Variants in FBXW2 observed in about 807,000 individuals in gnomAD.
FBXW2 encodes F-box and WD repeat domain containing 2, also known as F-box/WD repeat-containing protein 2.
FBXW2 carries 12 observed loss-of-function variants against 46.0 expected under a neutral mutation model. The observed-to-expected ratio is 0.26, with a 90% CI of 0.17 to 0.42. The LOEUF is 0.42. Ranked by LOEUF, FBXW2 falls within the 10% of genes least tolerant of loss-of-function variation. The pLI is 1.00. For synonymous variants in FBXW2, 203 were observed against 209.6 expected, an observed-to-expected ratio of 0.97 and a Z score of 0.27; for missense variants, 360 against 537.0, an observed-to-expected ratio of 0.67 and a Z score of 3.26.
rs539140813 is a variant in FBXW2 at position 120,763,224 on chromosome 9, A to G, written c.*1335T>C. On this transcript the variant is annotated 3_prime_UTR_variant, in exon 8 of 8. Coordinates refer to ENST00000608872, the MANE Select transcript of FBXW2 (RefSeq NM_012164.4). The stretch of plus-strand genomic sequence containing the variant: ...GCTGAATAACTGCCCTATTAGATCA[A>G]CTTTCCAGGGGACAGCACAATCCTC... The G allele has an allele frequency of 3.9e-5, 6 of 152,364 alleles. No individual in the cohort carries two copies. The East Asian group carries it at 1.2e-3, about 29-fold the overall frequency. The allele number at this position is 152,364 out of a possible 1,614,324, so 9.4% of individuals were successfully genotyped here.
intron 3 of FBXW2, 89 bp downstream of exon 3, chr9:120,787,680 C>T: frequency 1.4e-6 from 2 of 1,399,600 alleles, no homozygotes; most frequent in African/African-American, 1.4e-5. Flanking sequence ...ATAATCAACA[C>T]TTGTCATTCT....
At chr9:120,769,439 A>G (rs972718009) in intron 7 of FBXW2, among the ~76,000 whole-genome samples, 2 of 152,364 alleles carry the variant, frequency 1.3e-5, no homozygotes, top group East Asian at 3.9e-4. Flanking sequence ...TAGAGTCTCT[A>G]TATGCCACTC....
Position 120,762,206 on chromosome 9 carries a change from G to A in FBXW2, c.*2353C>T, listed in dbSNP as rs1478823344. 6.6e-6 allele frequency: 1 copy of A among 152,134 alleles called. No individual in the cohort carries two copies. Among genetic ancestry groups the A allele is most frequent in the Non-Finnish European group, 1.5e-5 (1 of 68,052 alleles). 9.4% of individuals were successfully genotyped at this position (152,134 alleles called of 1,614,324 possible). A position where few individuals can be genotyped will look rare whatever the true frequency, so the allele number is the denominator to read the frequency against. ...AATATAAAAATTAGTTGGGTGTCAT[G>A]GCAGATGCTTGTAATCCCAGCTACT... On this transcript the variant is annotated 3_prime_UTR_variant, in exon 8 of 8. Transcript: ENST00000608872.
intron 5 of FBXW2, among the ~76,000 whole-genome samples, chr9:120,773,856 C>T (rs756667591): frequency 6.6e-5 from 10 of 152,200 alleles, no homozygotes; most frequent in Non-Finnish European, 1.3e-4. Flanking sequence ...CTATTTTCCA[C>T]AACACCAAAC....
chr9:120,759,273 T>C lies in FBXW2; in HGVS notation c.*5286A>G, dbSNP rs1470859149. 1 of 152,254 alleles carries C rather than the reference T, an allele frequency of 6.6e-6. No individual in the cohort carries two copies. The highest frequency in any genetic ancestry group is 1.5e-5 in the Non-Finnish European group (1 of 68,042). The allele number at this position is 152,254 out of a possible 1,614,324, so 9.4% of individuals were successfully genotyped here. A position where few individuals can be genotyped will look rare whatever the true frequency, so the allele number is the denominator to read the frequency against. ...GGCTTGGCTAACCAAATTTGCCTAA[T>C]TGAGGGAATCTGCTTTAATGTACAG... is the stretch of plus-strand genomic sequence containing the variant. On this transcript the variant is annotated 3_prime_UTR_variant, in exon 8 of 8. Transcript: ENST00000608872.
chr9:120,776,506 CTTCT>C, intron 4 of FBXW2: 1 of 345,584 alleles, frequency 2.9e-6, no homozygotes, highest in Non-Finnish European at 5.4e-6. Context: ...AATGGCATTC[CTTCT>C]TAGGACTGCC....
At position 120,793,158 on chromosome 9, in the gene FBXW2, C is replaced by T. The variant is rs2044889085; in HGVS notation, c.-30G>A. On this transcript the variant is annotated 5_prime_UTR_variant, in exon 2 of 8. Transcript: ENST00000608872. ...TCCGCGCGGCACTGACCTGAGCGAG[C>T]GCCCCGGGGCCCGGGACCTCGCGCC... The T allele has an allele frequency of 1.0e-5, 6 of 585,934 alleles. 1 individual carries two copies. In the South Asian group the frequency reaches 1.1e-4, roughly 11 times the overall value. 36.3% of individuals were successfully genotyped at this position (585,934 alleles called of 1,614,324 possible).
chr9:120,759,712 T>C lies in FBXW2; in HGVS notation c.*4847A>G, dbSNP rs759673936. ...CAGGGTTGAATATTAAAAACACATA[T>C]TTACTTGGGCACATTTATGAAGAGT... On this transcript the variant is annotated 3_prime_UTR_variant, in exon 8 of 8. Transcript: ENST00000608872. 1.2e-4 allele frequency: 18 copies of C among 152,218 alleles called. No homozygotes were observed. Among genetic ancestry groups the C allele is most frequent in the Non-Finnish European group, 1.8e-4 (12 of 68,034 alleles). 9.4% of individuals were successfully genotyped at this position (152,218 alleles called of 1,614,324 possible).
At chr9:120,766,676 A>AT in intron 7 of FBXW2, among the ~76,000 whole-genome samples, 1 of 151,992 alleles carries the variant, frequency 6.6e-6, no homozygotes, top group African/African-American at 2.4e-5. Context: ...TGTTGGCGAG[A>AT]TGGTCTCGAT....
intron 5 of FBXW2, 44 bp from the exon 6 acceptor site, chr9:120,772,884 C>A: frequency 7.9e-7 from 1 of 1,271,448 alleles, no homozygotes. Context: ...TTTAATGCTG[C>A]TCCTATAATG....
rs1441928757 is a variant in FBXW2 at position 120,763,257 on chromosome 9, T to C, written c.*1302A>G. ...GGGGACAGCACAATCCTCCCCAGAA[T>C]GTTTTACTCATTTATGTTACCTGCA... On this transcript the variant is annotated 3_prime_UTR_variant, in exon 8 of 8. Coordinates refer to ENST00000608872, the MANE Select transcript of FBXW2 (RefSeq NM_012164.4). The C allele has an allele frequency of 2.6e-5, 4 of 152,212 alleles. No homozygotes were observed. Among genetic ancestry groups the C allele is most frequent in the Admixed American group, 2.6e-4 (4 of 15,276 alleles). The allele number at this position is 152,212 out of a possible 1,614,324, so 9.4% of individuals were successfully genotyped here.
chr9:120,786,695 T>C lies in FBXW2; in HGVS notation c.490+1074A>G, dbSNP rs183022838. On this transcript the variant is annotated intron_variant, in intron 3 of 7. Coordinates refer to ENST00000608872, the MANE Select transcript of FBXW2 (RefSeq NM_012164.4). ...ACACCAAGTATTTCTATATATTATA[T>C]ACAATGTAAGGAAACAGGCATTGGG... Among the ~76,000 whole-genome samples the C allele has an allele frequency of 2.6e-4, 40 of 152,314 alleles. No homozygotes were observed. The East Asian group carries it at 4.6e-3, about 18-fold the overall frequency.
At chr9:120,782,758 C>T (rs2044643014) in intron 3 of FBXW2, among the ~76,000 whole-genome samples, 1 of 152,094 alleles carries the variant, frequency 6.6e-6, no homozygotes, top group Non-Finnish European at 1.5e-5. Context: ...GGAAGAATCG[C>T]TTGAGTCCAG....
intron 7 of FBXW2, 113 bp from the exon 8 acceptor site, chr9:120,764,960 A>G: frequency 1.1e-6 from 1 of 890,042 alleles, no homozygotes; most frequent in Non-Finnish European, 1.6e-6. Context: ...GCAAATTTAG[A>G]GTTAAATGTT....
At chr9:120,774,155 A>G (rs2044440240) in intron 5 of FBXW2, among the ~76,000 whole-genome samples, 3 of 151,976 alleles carry the variant, frequency 2.0e-5, no homozygotes, top group South Asian at 2.1e-4. Context: ...GGCCAACACA[A>G]TGAAACTCCG....
chr9:120,779,017 C>T (rs78385972), intron 3 of FBXW2, among the ~76,000 whole-genome samples: 1 of 152,318 alleles, frequency 6.6e-6, no homozygotes, highest in Non-Finnish European at 1.5e-5. Context: ...TAAGGCAAGT[C>T]AAGGACAAAC....
chr9:120,764,213 G>T lies in FBXW2; in HGVS notation c.*346C>A. On this transcript the variant is annotated 3_prime_UTR_variant, in exon 8 of 8. Coordinates refer to ENST00000608872, the MANE Select transcript of FBXW2 (RefSeq NM_012164.4). Reference sequence around the variant, plus strand: ...AATAACAGACAATGTGATTTCATAGGCAACCAATTAGCAGATTAATGGATC... The same window carrying T: ...AATAACAGACAATGTGATTTCATAGTCAACCAATTAGCAGATTAATGGATC... 2.5e-6 allele frequency: 1 copy of T among 401,962 alleles called. No homozygotes were observed. Among genetic ancestry groups the T allele is most frequent in the Non-Finnish European group, 4.4e-6 (1 of 228,230 alleles). 24.9% of individuals were successfully genotyped at this position (401,962 alleles called of 1,614,324 possible).
chr9:120,782,318 T>C (rs776933903), intron 3 of FBXW2, among the ~76,000 whole-genome samples: 9 of 151,390 alleles, frequency 5.9e-5, no homozygotes, highest in Non-Finnish European at 1.3e-4. Flanking sequence ...ATACAAAAAT[T>C]AGCCAGACAC....
chr9:120,767,938 TC>T (rs1392877162), intron 7 of FBXW2, among the ~76,000 whole-genome samples: 1 of 152,220 alleles, frequency 6.6e-6, no homozygotes, highest in Admixed American at 6.5e-5. Flanking sequence ...CCAACAGCTT[TC>T]TACTGACCTC....
Sources: gnomAD v4.1 joint callset for allele counts (sites outside exome capture counted in the v4.1 genomes callset) on GRCh38, gnomAD v4.1.1 for gene constraint, MANE v1.5 for transcripts, NCBI Gene and HGNC (gene_info 2026-07-23, HGNC 2026-07-21) for gene names.